The following CGRRF1 variants were observed in gnomAD, a reference collection of about 807,000 sequenced individuals.
CGRRF1 encodes cell growth regulator with ring finger domain 1.
A neutral mutation model predicts 37.2 loss-of-function variants in CGRRF1; 32 were observed. The ratio of observed to expected loss-of-function variants is 0.86; its 90% CI spans 0.65 to 1.16. The LOEUF is 1.16. Ranked by LOEUF, CGRRF1 falls within the 50% of genes most tolerant of loss-of-function variation. The pLI is 0.00. For synonymous variants in CGRRF1, 141 were observed against 140.3 expected (o/e 1.00, Z -0.04); for missense variants, 391 against 382.6 (o/e 1.02, Z -0.18).
chr14:54,512,093 G>C (rs1344581778), intron 1 of CGRRF1, among the ~76,000 whole-genome samples: 2 of 152,120 alleles, frequency 1.3e-5, no homozygotes, highest in Non-Finnish European at 2.9e-5. Flanking sequence ...CAGTCAGAAG[G>C]GTAAACTAGT....
intron 2 of CGRRF1, 69 bp from the exon 3 acceptor site, chr14:54,529,980 C>T: frequency 7.7e-7 from 1 of 1,300,206 alleles, no homozygotes. Flanking sequence ...GCTTTTGTTA[C>T]TCACCCTGTA....
chr14:54,526,048 G>T (rs2032405779), intron 2 of CGRRF1, among the ~76,000 whole-genome samples: 1 of 151,616 alleles, frequency 6.6e-6, no homozygotes, highest in African/African-American at 2.4e-5. Context: ...AGTGAGCTGA[G>T]ATCATGCCAC....
intron 1 of CGRRF1, among the ~76,000 whole-genome samples, chr14:54,519,910 A>G (rs548429596): frequency 9.2e-5 from 14 of 152,214 alleles, no homozygotes; most frequent in Non-Finnish European, 1.8e-4. Flanking sequence ...TAATTTCTCT[A>G]TTACATATCT....
intron 2 of CGRRF1, among the ~76,000 whole-genome samples, chr14:54,529,548 A>G (rs2032472035): frequency 6.6e-6 from 1 of 152,212 alleles, no homozygotes; most frequent in African/African-American, 2.4e-5. Flanking sequence ...AATGTTGTCA[A>G]TGTATACATT....
intron 2 of CGRRF1, among the ~76,000 whole-genome samples, chr14:54,523,605 G>A (rs2032359105): frequency 6.6e-6 from 1 of 151,204 alleles, no homozygotes; most frequent in Non-Finnish European, 1.5e-5. Context: ...GAAATGGAGT[G>A]ATACATTAAA....
intron 3 of CGRRF1, 94 bp downstream of exon 3, chr14:54,530,320 A>C: frequency 2.9e-6 from 4 of 1,358,190 alleles, no homozygotes; most frequent in Non-Finnish European, 4.1e-6. Flanking sequence ...GGTATACTAG[A>C]AGCATGTTTA....
chr14:54,525,286 G>A (rs1011587712), intron 2 of CGRRF1, among the ~76,000 whole-genome samples: 5 of 152,218 alleles, frequency 3.3e-5, no homozygotes, highest in African/African-American at 7.2e-5. Flanking sequence ...CACTTGTGAG[G>A]CAGAAAGTGT....
chr14:54,533,124 T>A (rs2032544677), intron 4 of CGRRF1, among the ~76,000 whole-genome samples: 1 of 151,926 alleles, frequency 6.6e-6, no homozygotes, highest in South Asian at 2.1e-4. Context: ...TCTTCCCCTG[T>A]CCAAACAGGG....
At position 54,530,988 on chromosome 14, in the gene CGRRF1, C is replaced by G; in HGVS notation, c.508C>G (p.Arg170Gly). The G allele has an allele frequency of 6.2e-7, 1 of 1,611,968 alleles. No homozygotes were observed. The highest frequency in any genetic ancestry group is 8.5e-7 in the Non-Finnish European group (1 of 1,178,278). ...AGACTTTGGTACAGTACCCAGATCT[C>G]GCTATCCATTGGTAGCGCTATTGAC... ...IEDFGTVPRS[R>G]YPLVALLTLA... The change falls in exon 4 of 6, where the codon CGC (arginine) becomes GGC (glycine). Residue 170 changes from arginine to glycine, a missense_variant. Arg to Gly is a moderately radical substitution (Grantham distance 125). Coordinates refer to ENST00000216420, the MANE Select transcript of CGRRF1 (RefSeq NM_006568.3).
chr14:54,527,402 G>C (rs963652611), intron 2 of CGRRF1, among the ~76,000 whole-genome samples: 1 of 152,040 alleles, frequency 6.6e-6, no homozygotes, highest in Non-Finnish European at 1.5e-5. Context: ...CATGGCACAT[G>C]TATACATATG....
chr14:54,538,508 T>C lies in CGRRF1; in HGVS notation c.*125T>C. The C allele has an allele frequency of 1.5e-6, 1 of 657,730 alleles. No homozygotes were observed. The highest frequency in any genetic ancestry group is 2.5e-6 in the Non-Finnish European group (1 of 395,662). The allele number at this position is 657,730 out of a possible 1,614,324, so 40.7% of individuals were successfully genotyped here. On this transcript the variant is annotated 3_prime_UTR_variant, in exon 6 of 6. Transcript: ENST00000216420. ...TGAAAATTATATTTTAACTTCATAT[T>C]TGTATGGTACTTGGATGATAAAAAT...
At chr14:54,510,417 G>A in intron 1 of CGRRF1, 1 of 324,746 alleles carries the variant, frequency 3.1e-6, no homozygotes, top group Non-Finnish European at 5.8e-6. Context: ...TCCCGGATTC[G>A]GGCCTACTGT....
intron 2 of CGRRF1, among the ~76,000 whole-genome samples, chr14:54,526,724 T>C: frequency 6.6e-6 from 1 of 152,224 alleles, no homozygotes; most frequent in South Asian, 2.1e-4. Context: ...GCTTATTCAC[T>C]CTGGTAAGAG....
At chr14:54,520,559 T>G (rs1225957873) in intron 1 of CGRRF1, among the ~76,000 whole-genome samples, 1 of 152,272 alleles carries the variant, frequency 6.6e-6, no homozygotes, top group East Asian at 1.9e-4. Context: ...CAGTCAGTCC[T>G]ACTCCTGTAC....
intron 1 of CGRRF1, among the ~76,000 whole-genome samples, chr14:54,515,328 A>G (rs1188391338): frequency 6.6e-6 from 1 of 151,658 alleles, no homozygotes; most frequent in Non-Finnish European, 1.5e-5. Context: ...GCTTGACCTC[A>G]TGATCTGCCC....
intron 4 of CGRRF1, among the ~76,000 whole-genome samples, chr14:54,535,409 A>G (rs187929281): frequency 9.6e-5 from 14 of 145,130 alleles, no homozygotes; most frequent in Admixed American, 8.9e-4. Flanking sequence ...TGTAAATTAA[A>G]ACATTCTCAT....
chr14:54,526,144 ATTTTTTTTTTTT>A (rs745596386), intron 2 of CGRRF1, among the ~76,000 whole-genome samples: 1 of 107,068 alleles, frequency 9.3e-6, no homozygotes, highest in African/African-American at 3.6e-5. Flanking sequence ...TATATTTAAG[ATTTTTTTTTTTT>A]TTTTTTTTTT....
chr14:54,530,537 A>ATT (rs906276255), intron 3 of CGRRF1: 51 of 1,310,810 alleles, frequency 3.9e-5, no homozygotes, highest in Admixed American at 2.0e-4. Flanking sequence ...CTCCCCAAGC[A>ATT]TTAGAAGATG....
intron 2 of CGRRF1, among the ~76,000 whole-genome samples, chr14:54,528,718 T>C (rs1033125286): frequency 6.6e-6 from 1 of 152,318 alleles, no homozygotes; most frequent in African/African-American, 2.4e-5. Flanking sequence ...GAATTTTTCA[T>C]TCTTGAGTTA....
Sources: gnomAD v4.1 joint callset for allele counts (sites outside exome capture counted in the v4.1 genomes callset) on GRCh38, gnomAD v4.1.1 for gene constraint, MANE v1.5 for transcripts, NCBI Gene and HGNC (gene_info 2026-07-23, HGNC 2026-07-21) for gene names.